PIGL: variants seen among roughly 807,000 people sequenced by gnomAD.
PIGL encodes the protein phosphatidylinositol glycan anchor biosynthesis class L.
PIGL carries 22 observed loss-of-function variants against 31.1 expected under a neutral mutation model. The observed-to-expected ratio is 0.71, with a 90% confidence interval of 0.51 to 1.01. The LOEUF (loss-of-function observed/expected upper bound fraction) is 1.01, where lower values mean the gene tolerates loss of function less well. PIGL is among the 50% of genes least tolerant of loss of function. The pLI is 0.00. For synonymous variants in PIGL, 131 were observed against 117.4 expected (o/e 1.12, Z -0.75); for missense variants, 302 against 315.9 (o/e 0.96, Z 0.33).
rs370835578 is a variant in PIGL at position 16,310,112 on chromosome 17, A to G, written c.427-3435A>G. On this transcript the variant is annotated intron_variant, in intron 3 of 6. Transcript: ENST00000225609. ...AAAAAAAAAGAAAGAAAGAAAGAAA[A>G]AAGAAATATAAACATTAATCATTAG... Among the ~76,000 whole-genome samples, 32 of 151,982 alleles carry G rather than the reference A, an allele frequency of 2.1e-4. No homozygotes were observed. The East Asian group carries it at 5.6e-3, about 27-fold the overall frequency.
chr17:16,243,269 C>T (rs1214119073), intron 2 of PIGL, among the ~76,000 whole-genome samples: 13 of 152,100 alleles, frequency 8.5e-5, no homozygotes, highest in Admixed American at 6.6e-4. Context: ...AGGCTGGTCT[C>T]GAACTGCTGA....
intron 4 of PIGL, among the ~76,000 whole-genome samples, chr17:16,314,027 C>T (rs554451144): frequency 1.6e-4 from 24 of 152,232 alleles, no homozygotes; most frequent in African/African-American, 4.3e-4. Context: ...CTCTCACTTC[C>T]GTCATGTGTT....
intron 2 of PIGL, among the ~76,000 whole-genome samples, chr17:16,265,604 G>A (rs769099776): frequency 3.3e-5 from 5 of 152,040 alleles, no homozygotes; most frequent in Non-Finnish European, 5.9e-5. Flanking sequence ...GCTGGGAATC[G>A]TGGCACGTGC....
chr17:16,228,047 A>T (rs1312742803), intron 1 of PIGL, among the ~76,000 whole-genome samples: 1 of 147,926 alleles, frequency 6.8e-6, no homozygotes, highest in East Asian at 2.0e-4. Flanking sequence ...TTACCATTTT[A>T]AACTTTTTTT....
rs143211282 is a variant in PIGL, at chr17:16,233,825, G to A, written c.236-146G>A. The A allele has an allele frequency of 1.2e-3, 668 of 569,480 alleles. 12 individuals are homozygous for A. The East Asian group carries it at 0.016, about 14-fold the overall frequency. The allele number at this position is 569,480 out of a possible 1,614,324, so 35.3% of individuals were successfully genotyped here. A position where few individuals can be genotyped will look rare whatever the true frequency, so the allele number is the denominator to read the frequency against. ...CTTCTCACAGGAGTATCTTGGTGTC[G>A]TGTTTTCTTAAACTTTGTATCATAA... is the stretch of plus-strand genomic sequence containing the variant. On this transcript the variant is annotated intron_variant, in intron 1 of 6. Transcript: ENST00000225609.
chr17:16,288,730 G>A (rs971399106), intron 2 of PIGL, among the ~76,000 whole-genome samples: 41 of 151,476 alleles, frequency 2.7e-4, no homozygotes, highest in African/African-American at 9.2e-4. Context: ...GTAGACACAG[G>A]GTTTCTCCAT....
chr17:16,218,710 G>T (rs185999159), intron 1 of PIGL, among the ~76,000 whole-genome samples: 10 of 125,710 alleles, frequency 8.0e-5, no homozygotes, highest in African/African-American at 3.1e-4. Flanking sequence ...AGATAGTCTC[G>T]CTCTGTTGCC....
At position 16,299,927 on chromosome 17, in the gene PIGL, G is replaced by A; in HGVS notation, c.375G>A (p.Glu125=). The change falls in exon 3 of 7, where the codon GAG becomes GAA. Residue 125 remains glutamate, a synonymous_variant. Transcript: ENST00000225609. ...ACCCAGGCATGCAGTGGGACACAGAGCACGTGGCCAGAGTCCTCCTTCAGC... is the reference window on the plus strand; with the variant it reads ...ACCCAGGCATGCAGTGGGACACAGAACACGTGGCCAGAGTCCTCCTTCAGC... ...PDDPGMQWDT[E]HVARVLLQHI... is the part of the protein sequence containing the mutation. The A allele has an allele frequency of 6.2e-7, 1 of 1,614,108 alleles. No individual in the cohort carries two copies. The highest frequency in any genetic ancestry group is 1.1e-5 in the South Asian group (1 of 91,086).
rs1258604955 is a variant in PIGL, at chr17:16,276,724, T to G, written c.336-23164T>G. 2.6e-5 allele frequency among the ~76,000 whole-genome samples: 4 copies of G among 152,222 alleles called. No homozygotes were observed. In the East Asian group the frequency reaches 7.7e-4, roughly 29 times the overall value. The stretch of plus-strand genomic sequence containing the variant: ...TGCACTCCAGCCTGGGTGACAAGAG[T>G]GAGACTCCATCTCAAAAAATAAAAT... On this transcript the variant is annotated intron_variant, in intron 2 of 6. Coordinates refer to ENST00000225609, the MANE Select transcript of PIGL (RefSeq NM_004278.4).
chr17:16,248,057 T>G lies in PIGL; in HGVS notation c.335+13987T>G, dbSNP rs562048285. Among the ~76,000 whole-genome samples the G allele has an allele frequency of 2.0e-5, 3 of 152,008 alleles. No homozygotes were observed. The South Asian group carries it at 6.2e-4, about 32-fold the overall frequency. Reference sequence around the variant, plus strand: ...CGCGCACCACCACACCTGGCTAATTTTTGTGTTTTTAGTAGAGACGGGGTT... The same window carrying G: ...CGCGCACCACCACACCTGGCTAATTGTTGTGTTTTTAGTAGAGACGGGGTT... On this transcript the variant is annotated intron_variant, in intron 2 of 6. Transcript: ENST00000225609.
chr17:16,304,539 C>T (rs2093018786), intron 3 of PIGL, among the ~76,000 whole-genome samples: 2 of 152,160 alleles, frequency 1.3e-5, no homozygotes, highest in Admixed American at 1.3e-4. Context: ...GGGAGGATCA[C>T]TTGAGGCCAG....
At chr17:16,296,378 G>A (rs2092982095) in intron 2 of PIGL, among the ~76,000 whole-genome samples, 1 of 151,994 alleles carries the variant, frequency 6.6e-6, no homozygotes, top group Non-Finnish European at 1.5e-5. Context: ...TTGGGAGACT[G>A]AGGTGGGCGG....
intron 2 of PIGL, among the ~76,000 whole-genome samples, chr17:16,295,549 A>G (rs1427594110): frequency 6.6e-6 from 1 of 152,074 alleles, no homozygotes; most frequent in African/African-American, 2.4e-5. Flanking sequence ...TGGGAGGCTG[A>G]GGTGGGAGGA....
intron 2 of PIGL, among the ~76,000 whole-genome samples, chr17:16,281,775 A>G (rs760886353): frequency 1.3e-5 from 2 of 152,250 alleles, no homozygotes; most frequent in Non-Finnish European, 2.9e-5. Context: ...AGAAAGAAGA[A>G]GGGGACCTGT....
At chr17:16,301,258 A>G (rs1410112110) in intron 3 of PIGL, among the ~76,000 whole-genome samples, 1 of 150,888 alleles carries the variant, frequency 6.6e-6, no homozygotes, top group East Asian at 2.0e-4. Context: ...ATGTCTGGCT[A>G]ATTTCTTTTT....
At chr17:16,300,987 G>T (rs1426966566) in intron 3 of PIGL, among the ~76,000 whole-genome samples, 3 of 152,078 alleles carry the variant, frequency 2.0e-5, no homozygotes, top group African/African-American at 7.2e-5. Context: ...CTGCCAAGGA[G>T]GCTTACTGTC....
At chr17:16,258,170 T>G in intron 2 of PIGL, among the ~76,000 whole-genome samples, 1 of 133,580 alleles carries the variant, frequency 7.5e-6, no homozygotes, top group Non-Finnish European at 1.6e-5. Context: ...AACTCGGAAG[T>G]AGACTTTTTT....
At chr17:16,322,839 C>T (rs1320515686) in intron 6 of PIGL, among the ~76,000 whole-genome samples, 1 of 152,014 alleles carries the variant, frequency 6.6e-6, no homozygotes, top group Admixed American at 6.6e-5. Context: ...TATTTAATGC[C>T]CCATTTTTCT....
intron 2 of PIGL, among the ~76,000 whole-genome samples, chr17:16,237,815 A>AG (rs2092705755): frequency 6.6e-6 from 1 of 151,614 alleles, no homozygotes; most frequent in African/African-American, 2.4e-5. Flanking sequence ...CAAAAAAAAA[A>AG]AAAAAAAAAA....
Sources: allele counts gnomAD v4.1 joint callset (sites outside exome capture counted in the v4.1 genomes callset), GRCh38; gene constraint gnomAD v4.1.1; transcripts MANE v1.5; gene names NCBI Gene and HGNC (gene_info 2026-07-23, HGNC 2026-07-21).